The following CNTNAP2 variants were observed in gnomAD, a reference collection of about 807,000 sequenced individuals.
CNTNAP2 encodes the protein contactin-associated protein-like 2.
Under a neutral mutation model 155.2 loss-of-function variants are expected in CNTNAP2, and 98 were observed. That is an observed-to-expected ratio of 0.63 (90% confidence interval 0.54 to 0.75). The LOEUF (loss-of-function observed/expected upper bound fraction) is 0.75. Ranked by LOEUF, CNTNAP2 falls within the 30% of genes least tolerant of loss-of-function variation. The pLI, the probability that CNTNAP2 is intolerant of heterozygous loss-of-function variation, is 0.00. For missense variants in CNTNAP2, 1,727 were observed against 1,688.1 expected (o/e 1.02, Z -0.40); for synonymous variants, 651 against 631.2 (o/e 1.03, Z -0.47).
At chr7:147,195,768 C>G (rs574784756) in intron 8 of CNTNAP2, among the ~76,000 whole-genome samples, 17 of 152,036 alleles carry the variant, frequency 1.1e-4, no homozygotes, top group African/African-American at 4.1e-4. Context: ...GATTTTGTAT[C>G]CTGAGACTTG....
Position 148,407,140 on chromosome 7 carries a change from ATT to A in CNTNAP2, c.3716-2250_3716-2249del, listed in dbSNP as rs1563076507. On this transcript the variant is annotated intron_variant, in intron 22 of 23. Transcript: ENST00000361727. Reference sequence around the variant, plus strand: ...TTTAAAAAAGAAAGCCAAGGTTTTTATTCAAGGTTTTTATTATATGTTTTTAT... The same window carrying A: ...TTTAAAAAAGAAAGCCAAGGTTTTTACAAGGTTTTTATTATATGTTTTTAT... 6.5e-4 allele frequency among the ~76,000 whole-genome samples: 20 copies of A among 30,538 alleles called. 1 individual carries two copies. The highest frequency in any genetic ancestry group is 2.7e-3 in the Admixed American group (16 of 5,860). 20.0% of individuals were successfully genotyped at this position (30,538 alleles called of 152,430 possible).
At chr7:146,651,372 A>C (rs1211980439) in intron 1 of CNTNAP2, among the ~76,000 whole-genome samples, 1 of 152,164 alleles carries the variant, frequency 6.6e-6, no homozygotes, top group Non-Finnish European at 1.5e-5. Flanking sequence ...AGGGTCACTC[A>C]ACCTTGTTAG....
chr7:146,196,922 A>C (rs1416859043), intron 1 of CNTNAP2, among the ~76,000 whole-genome samples: 1 of 152,118 alleles, frequency 6.6e-6, no homozygotes, highest in Non-Finnish European at 1.5e-5. Flanking sequence ...TTTATCTTCA[A>C]GTTAGTGTGA....
intron 8 of CNTNAP2, among the ~76,000 whole-genome samples, chr7:147,255,204 G>A (rs1804294012): frequency 2.0e-5 from 3 of 152,034 alleles, no homozygotes; most frequent in Admixed American, 6.6e-5. Flanking sequence ...TATCAATGCT[G>A]TATTGGTAAA....
chr7:146,337,747 C>T (rs1801302693), intron 1 of CNTNAP2, among the ~76,000 whole-genome samples: 1 of 152,142 alleles, frequency 6.6e-6, no homozygotes, highest in Admixed American at 6.6e-5. Flanking sequence ...GCTGGGATTA[C>T]AGGTGTTAGC....
intron 14 of CNTNAP2, among the ~76,000 whole-genome samples, chr7:147,940,971 C>T (rs1172674484): frequency 6.6e-6 from 1 of 152,236 alleles, no homozygotes; most frequent in Non-Finnish European, 1.5e-5. Context: ...GCTTACATTT[C>T]TGTTGTCAAA....
chr7:146,652,992 AT>A (rs1367933997), intron 1 of CNTNAP2, among the ~76,000 whole-genome samples: 1 of 152,172 alleles, frequency 6.6e-6, no homozygotes, highest in African/African-American at 2.4e-5. Flanking sequence ...AGGGCTTAGT[AT>A]TCACAGCCTC....
At chr7:147,557,201 T>C (rs1224406897) in intron 11 of CNTNAP2, among the ~76,000 whole-genome samples, 1 of 151,870 alleles carries the variant, frequency 6.6e-6, no homozygotes, top group African/African-American at 2.4e-5. Flanking sequence ...GAGGCAAAGA[T>C]TGCAGTGAGC....
At chr7:147,053,148 C>T (rs1799502905) in intron 4 of CNTNAP2, among the ~76,000 whole-genome samples, 1 of 151,986 alleles carries the variant, frequency 6.6e-6, no homozygotes, top group African/African-American at 2.4e-5. Flanking sequence ...ATGATAGATA[C>T]TTTCACATAA....
At chr7:147,084,694 A>G (rs980608855) in intron 4 of CNTNAP2, among the ~76,000 whole-genome samples, 2 of 147,702 alleles carry the variant, frequency 1.4e-5, no homozygotes, top group Non-Finnish European at 3.0e-5. Flanking sequence ...TGCTATATGT[A>G]TACATAATGC....
chr7:146,672,529 C>A (rs541815987), intron 1 of CNTNAP2, among the ~76,000 whole-genome samples: 5 of 151,896 alleles, frequency 3.3e-5, no homozygotes, highest in Admixed American at 2.0e-4. Flanking sequence ...TGTGAGACTG[C>A]GGGAGAGGAG....
At chr7:147,464,282 A>G (rs1262756434) in intron 10 of CNTNAP2, among the ~76,000 whole-genome samples, 1 of 152,002 alleles carries the variant, frequency 6.6e-6, no homozygotes, top group Non-Finnish European at 1.5e-5. Context: ...CCAGGCTAAC[A>G]TGGTGAAACC....
At chr7:147,418,764 A>G (rs1797241323) in intron 10 of CNTNAP2, among the ~76,000 whole-genome samples, 1 of 152,242 alleles carries the variant, frequency 6.6e-6, no homozygotes, top group Non-Finnish European at 1.5e-5. Context: ...GACAAAAGTC[A>G]CTTTCTCTAT....
intron 9 of CNTNAP2, among the ~76,000 whole-genome samples, chr7:147,325,298 C>T (rs1414001065): frequency 2.6e-5 from 4 of 152,066 alleles, no homozygotes. Flanking sequence ...GGGCAAGACT[C>T]CATCTCAACA....
chr7:148,382,669 G>A (rs146902325), intron 21 of CNTNAP2, among the ~76,000 whole-genome samples: 2 of 152,316 alleles, frequency 1.3e-5, no homozygotes, highest in African/African-American at 4.8e-5. Context: ...GAATCTTTGT[G>A]TGAGCCCAGG....
intron 4 of CNTNAP2, among the ~76,000 whole-genome samples, chr7:147,103,775 T>C (rs1318316494): frequency 1.3e-5 from 2 of 151,992 alleles, no homozygotes; most frequent in Admixed American, 6.6e-5. Context: ...ATATTTGAGA[T>C]ATATGATTCC....
At chr7:147,922,586 C>T (rs1372188374) in intron 14 of CNTNAP2, among the ~76,000 whole-genome samples, 1 of 152,226 alleles carries the variant, frequency 6.6e-6, no homozygotes, top group Non-Finnish European at 1.5e-5. Flanking sequence ...ACATTCTACA[C>T]TAGGTCCATC....
intron 1 of CNTNAP2, among the ~76,000 whole-genome samples, chr7:146,210,530 C>T (rs190239752): frequency 1.2e-3 from 190 of 152,262 alleles, no homozygotes; most frequent in African/African-American, 4.5e-3. Flanking sequence ...TTTCAAACCC[C>T]TGGCCTCAAG....
chr7:147,856,645 G>A (rs1319394580), intron 13 of CNTNAP2, among the ~76,000 whole-genome samples: 10 of 140,796 alleles, frequency 7.1e-5, no homozygotes, highest in Non-Finnish European at 1.1e-4. Flanking sequence ...TTTTTTTTCT[G>A]CTCTAGAAAC....
Sources: gnomAD v4.1 joint callset for allele counts (sites outside exome capture counted in the v4.1 genomes callset) on GRCh38, gnomAD v4.1.1 for gene constraint, MANE v1.5 for transcripts, NCBI Gene and HGNC (gene_info 2026-07-23, HGNC 2026-07-21) for gene names.